Variants in PRKCB observed in about 807,000 individuals in gnomAD.
The protein encoded by PRKCB is protein kinase C beta type.
A neutral mutation model predicts 81.5 loss-of-function variants in PRKCB; 13 were observed. That is an observed-to-expected ratio of 0.16 (90% confidence interval 0.10 to 0.25). The LOEUF is 0.25. Ranked by LOEUF, PRKCB falls within the 10% of genes least tolerant of loss-of-function variation. The probability of loss-of-function intolerance (pLI) is 1.00; values close to 1 mark genes in which losing one functional copy is unlikely to be tolerated. For missense variants in PRKCB, 509 were observed against 875.7 expected, an observed-to-expected ratio of 0.58 and a Z score of 5.29; for synonymous variants, 335 against 321.4, an observed-to-expected ratio of 1.04 and a Z score of -0.45.
At chr16:23,845,837 T>C (rs73537024) in intron 2 of PRKCB, among the ~76,000 whole-genome samples, 3,381 of 152,272 alleles carry the variant, frequency 0.022, 143 homozygotes, top group African/African-American at 0.077. Context: ...TGTTTAGGGT[T>C]TACAGTTTGA....
intron 15 of PRKCB, among the ~76,000 whole-genome samples, chr16:24,186,459 C>T (rs1395249613): frequency 2.6e-5 from 4 of 152,144 alleles, no homozygotes; most frequent in Admixed American, 6.6e-5. Flanking sequence ...TAGAATTAGA[C>T]GCCCAGAAAA....
chr16:24,072,560 C>A (rs745404025), intron 5 of PRKCB, among the ~76,000 whole-genome samples: 27 of 151,836 alleles, frequency 1.8e-4, no homozygotes, highest in Non-Finnish European at 2.9e-4. Flanking sequence ...AATCTGCTTT[C>A]TTTAACTCTC....
At chr16:24,109,103 G>T (rs1406058201) in intron 7 of PRKCB, among the ~76,000 whole-genome samples, 25 of 146,078 alleles carry the variant, frequency 1.7e-4, no homozygotes, top group Non-Finnish European at 3.0e-4. Context: ...CAGTAGGGGC[G>T]GCCGGGCAGA....
intron 5 of PRKCB, among the ~76,000 whole-genome samples, chr16:24,073,238 A>G (rs951840393): frequency 6.6e-6 from 1 of 152,248 alleles, no homozygotes; most frequent in Non-Finnish European, 1.5e-5. Context: ...GATTAAGGTC[A>G]GGATTAGAAC....
intron 3 of PRKCB, among the ~76,000 whole-genome samples, chr16:24,002,313 A>G (rs542051317): frequency 3.7e-5 from 5 of 133,642 alleles, no homozygotes; most frequent in Admixed American, 7.5e-5. Context: ...GTGTGTGTGT[A>G]TGTGTGTGTG....
chr16:23,977,019 T>A (rs1416339408), intron 2 of PRKCB, among the ~76,000 whole-genome samples: 1 of 152,250 alleles, frequency 6.6e-6, no homozygotes, highest in Non-Finnish European at 1.5e-5. Flanking sequence ...TTCCGGCAGT[T>A]GCTGACCACT....
At chr16:24,162,702 C>T (rs1056114155) in intron 10 of PRKCB, among the ~76,000 whole-genome samples, 2 of 152,066 alleles carry the variant, frequency 1.3e-5, no homozygotes, top group Non-Finnish European at 2.9e-5. Context: ...AGTCCCCATA[C>T]CTCAGCCTCC....
At chr16:23,894,594 C>T (rs1039237696) in intron 2 of PRKCB, among the ~76,000 whole-genome samples, 29 of 152,164 alleles carry the variant, frequency 1.9e-4, no homozygotes, top group African/African-American at 6.5e-4. Context: ...CAGGTGCAAG[C>T]GCCTGCATGT....
At chr16:24,054,150 A>C (rs915606568) in intron 5 of PRKCB, among the ~76,000 whole-genome samples, 2 of 151,610 alleles carry the variant, frequency 1.3e-5, no homozygotes, top group African/African-American at 4.8e-5. Context: ...ATTTTTAAAA[A>C]TTTTATAATA....
Position 24,154,856 on chromosome 16 carries a change from T to C in PRKCB, c.1238T>C (p.Met413Thr). The change falls in exon 10 of 17, where the codon ATG (methionine) becomes ACG (threonine). Residue 413 changes from methionine to threonine, a missense_variant and splice_region_variant. This residue lies in a region of PRKCB where 106 missense variants were observed against 214.0 expected (regional missense o/e 0.50). Transcript: ENST00000643927. Reference protein sequence around the residue: ...LTQLHSCFQTMDRLYFVMEYV... With the variant: ...LTQLHSCFQTTDRLYFVMEYV... The stretch of plus-strand genomic sequence containing the variant: ...CAGCTCCACTCCTGCTTCCAGACCA[T>C]GGTAACTTGTCCCATGGCCCTGGGT... 6.2e-7 allele frequency: 1 copy of C among 1,613,190 alleles called. No homozygotes were observed. The highest frequency in any genetic ancestry group is 8.5e-7 in the Non-Finnish European group (1 of 1,179,652).
At chr16:23,911,127 G>GCTTTTT (rs1963644623) in intron 2 of PRKCB, among the ~76,000 whole-genome samples, 1 of 11,788 alleles carries the variant, frequency 8.5e-5, no homozygotes, top group South Asian at 2.7e-3. Flanking sequence ...ACGTATATAT[G>GCTTTTT]CTTTTTTTTT....
At chr16:23,936,371 G>A (rs973681455) in intron 2 of PRKCB, among the ~76,000 whole-genome samples, 1 of 151,998 alleles carries the variant, frequency 6.6e-6, no homozygotes, top group African/African-American at 2.4e-5. Context: ...ATCTCTCTAA[G>A]CAATGCAAAG....
At chr16:24,106,258 T>C (rs1165035012) in intron 7 of PRKCB, among the ~76,000 whole-genome samples, 1 of 152,206 alleles carries the variant, frequency 6.6e-6, no homozygotes, top group Non-Finnish European at 1.5e-5. Flanking sequence ...TAGTCGTAAT[T>C]ATGTCACAGG....
intron 10 of PRKCB, among the ~76,000 whole-genome samples, chr16:24,162,441 A>ATTTTTTTTTTTTTTTTTTTTTTTT (rs1567397400): frequency 8.3e-6 from 1 of 119,802 alleles, no homozygotes. Flanking sequence ...AACAGAGAAG[A>ATTTTTTTTTTTTTTTTTTTTTTTT]CTTTTTTTTT....
intron 16 of PRKCB, among the ~76,000 whole-genome samples, chr16:24,195,486 A>G (rs1293362872): frequency 1.3e-5 from 2 of 152,220 alleles, no homozygotes; most frequent in African/African-American, 4.8e-5. Context: ...AAAACAAGGA[A>G]CAATAACAGA....
intron 3 of PRKCB, among the ~76,000 whole-genome samples, chr16:24,006,613 C>T (rs1303405649): frequency 6.6e-6 from 1 of 152,178 alleles, no homozygotes; most frequent in Non-Finnish European, 1.5e-5. Context: ...TCCTTCAGAG[C>T]GTTGAAAGAA....
At chr16:24,125,403 T>C (rs1053167920) in intron 9 of PRKCB, among the ~76,000 whole-genome samples, 2 of 152,220 alleles carry the variant, frequency 1.3e-5, no homozygotes, top group Admixed American at 6.5e-5. Context: ...CTTGGGTCAC[T>C]GAAACACACA....
rs541944938 is a variant in PRKCB at position 23,973,280 on chromosome 16, C to G, written c.206-15228C>G. Among the ~76,000 whole-genome samples, 29 of 152,196 alleles carry G rather than the reference C, an allele frequency of 1.9e-4. No individual in the cohort carries two copies. In the East Asian group the frequency reaches 5.4e-3, roughly 28 times the overall value. On this transcript the variant is annotated intron_variant, in intron 2 of 16. Coordinates refer to ENST00000643927, the MANE Select transcript of PRKCB (RefSeq NM_002738.7). ...CACTGCAACCTTCACCTCCCGGGTTCAAGCAATTCTCCTGCATCAGCCTCC... is the reference window on the plus strand; with the variant it reads ...CACTGCAACCTTCACCTCCCGGGTTGAAGCAATTCTCCTGCATCAGCCTCC...
chr16:23,886,802 C>T (rs1227572507), intron 2 of PRKCB, among the ~76,000 whole-genome samples: 1 of 152,158 alleles, frequency 6.6e-6, no homozygotes, highest in Non-Finnish European at 1.5e-5. Flanking sequence ...ATGCCTCATG[C>T]TCTATCTGTC....
Sources: allele counts gnomAD v4.1 joint callset (sites outside exome capture counted in the v4.1 genomes callset), GRCh38; gene constraint gnomAD v4.1.1; regional missense constraint gnomAD v4.1.1; transcripts MANE v1.5; gene names NCBI Gene and HGNC (gene_info 2026-07-23, HGNC 2026-07-21).